The following SEM1 variants were observed in gnomAD, a reference collection of about 807,000 sequenced individuals.
SEM1 encodes the protein 26S proteasome complex subunit SEM1.
A neutral mutation model predicts 12.7 loss-of-function variants in SEM1; 3 were observed. The ratio of observed to expected loss-of-function variants is 0.24; its 90% confidence interval spans 0.11 to 0.61. The LOEUF is 0.61. SEM1 is among the 20% of genes least tolerant of loss of function. The pLI, the probability that SEM1 is intolerant of heterozygous loss-of-function variation, is 0.88. For missense variants in SEM1, 59 were observed against 81.3 expected, an observed-to-expected ratio of 0.73 and a Z score of 1.06; for synonymous variants, 30 against 27.8, an observed-to-expected ratio of 1.08 and a Z score of -0.25.
At chr7:96,514,292 T>G (rs1055022062) in intron 2 of SEM1, among the ~76,000 whole-genome samples, 1 of 152,094 alleles carries the variant, frequency 6.6e-6, no homozygotes, top group East Asian at 1.9e-4. Context: ...TTGCCCAGGA[T>G]AGCCGTGAAC....
intron 2 of SEM1, among the ~76,000 whole-genome samples, chr7:96,528,542 A>G (rs906567495): frequency 5.3e-5 from 8 of 152,168 alleles, no homozygotes; most frequent in African/African-American, 1.9e-4. Flanking sequence ...AGCAAAACTT[A>G]GTTGTAAGAT....
chr7:96,615,424 T>G lies in SEM1; in HGVS notation c.170+79374A>C, dbSNP rs148024124. Among the ~76,000 whole-genome samples the G allele has an allele frequency of 7.5e-3, 1,146 of 152,008 alleles. 7 individuals are homozygous for G. The highest frequency in any genetic ancestry group is 0.011 in the South Asian group (51 of 4,810). Reference sequence around the variant, plus strand: ...CGCCTACCACCATGCCTGGCTAATTTTTGTATTTTTGGTAGAGACAAGGTT... The same window carrying G: ...CGCCTACCACCATGCCTGGCTAATTGTTGTATTTTTGGTAGAGACAAGGTT... On this transcript the variant is annotated intron_variant and NMD_transcript_variant, in intron 2 of 3. Transcript: ENST00000466986.
chr7:96,622,387 GA>G, downstream of SEM1: 1 of 510,662 alleles, frequency 2.0e-6, no homozygotes, highest in Non-Finnish European at 3.5e-6. Flanking sequence ...AGAATGATGA[GA>G]AAAATTTCTC....
At chr7:96,647,485 C>T (rs1180743321) in intron 2 of SEM1, 2 of 152,016 alleles carry the variant, frequency 1.3e-5, no homozygotes, top group Non-Finnish European at 2.9e-5. Flanking sequence ...GCTAGCGATC[C>T]GGTATCCTAA....
Position 96,677,122 on chromosome 7 carries a change from G to A in SEM1, c.171-3263C>T, listed in dbSNP as rs148872849. Among the ~76,000 whole-genome samples the A allele has an allele frequency of 3.3e-5, 5 of 152,212 alleles. No individual in the cohort carries two copies. In the East Asian group the frequency reaches 7.7e-4, roughly 24 times the overall value. Reference sequence around the variant, plus strand: ...ACAAGGTCAACAGCACTCAGCAGAGGGCCAGCACAATGGTACTTTAGCAGA... The same window carrying A: ...ACAAGGTCAACAGCACTCAGCAGAGAGCCAGCACAATGGTACTTTAGCAGA... On this transcript the variant is annotated intron_variant, in intron 2 of 2. Transcript: ENST00000413065.
At chr7:96,517,585 C>A (rs896303623) in intron 2 of SEM1, among the ~76,000 whole-genome samples, 3 of 152,062 alleles carry the variant, frequency 2.0e-5, no homozygotes, top group Admixed American at 6.6e-5. Context: ...CTTCATATTT[C>A]TGGACATTTG....
intron 2 of SEM1, among the ~76,000 whole-genome samples, chr7:96,680,502 TAG>T (rs1789578071): frequency 6.6e-6 from 1 of 152,086 alleles, no homozygotes; most frequent in African/African-American, 2.4e-5. Flanking sequence ...GATGATAATC[TAG>T]AGTTTTAAAT....
chr7:96,506,127 T>C (rs1803747164), intron 3 of SEM1, among the ~76,000 whole-genome samples: 1 of 152,154 alleles, frequency 6.6e-6, no homozygotes, highest in African/African-American at 2.4e-5. Context: ...CTGAGTCCTT[T>C]TGAAATGACC....
chr7:96,579,731 T>C (rs555667619), intron 2 of SEM1, among the ~76,000 whole-genome samples: 2 of 152,294 alleles, frequency 1.3e-5, no homozygotes, highest in South Asian at 4.1e-4. Flanking sequence ...ATTTTGTATC[T>C]TAATTTTGCT....
chr7:96,540,224 C>A (rs1018433928), intron 2 of SEM1, among the ~76,000 whole-genome samples: 2 of 151,410 alleles, frequency 1.3e-5, no homozygotes, highest in African/African-American at 4.8e-5. Flanking sequence ...AAGAAAACAT[C>A]ACCAATTAAT....
At chr7:96,592,999 T>TAAAAA (rs1554421689) in intron 2 of SEM1, among the ~76,000 whole-genome samples, 1 of 128,060 alleles carries the variant, frequency 7.8e-6, no homozygotes, top group Non-Finnish European at 1.6e-5. Context: ...TCTCCCATAT[T>TAAAAA]AAAAAAAAAA....
intron 2 of SEM1, among the ~76,000 whole-genome samples, chr7:96,543,000 A>G (rs956701012): frequency 1.3e-5 from 2 of 151,920 alleles, no homozygotes; most frequent in Non-Finnish European, 2.9e-5. Flanking sequence ...TAGCTTTTGA[A>G]AATTATGTTT....
intron 2 of SEM1, among the ~76,000 whole-genome samples, chr7:96,647,184 G>C (rs901569406): frequency 2.0e-5 from 3 of 152,248 alleles, no homozygotes; most frequent in Middle Eastern, 6.8e-3. Flanking sequence ...GGGAGGTGAG[G>C]TATAGCACTG....
chr7:96,622,362 A>G (rs1191697734), downstream of SEM1: 3 of 486,952 alleles, frequency 6.2e-6, no homozygotes, highest in Non-Finnish European at 1.1e-5. Flanking sequence ...GCCTTATTTC[A>G]GAGCTTTGAG....
At chr7:96,578,611 A>C (rs997885547) in intron 2 of SEM1, among the ~76,000 whole-genome samples, 8 of 152,206 alleles carry the variant, frequency 5.3e-5, no homozygotes, top group Admixed American at 6.5e-5. Context: ...TAAAAGAACT[A>C]AGATGTAAGG....
intron 2 of SEM1, among the ~76,000 whole-genome samples, chr7:96,530,961 A>G (rs1804620650): frequency 6.6e-6 from 1 of 152,112 alleles, no homozygotes. Context: ...TTTATTTAAC[A>G]CACAGTTAGT....
rs1803682799 is a variant in SEM1, at chr7:96,504,473, C to T, written c.*60+2150G>A. 1.3e-5 allele frequency among the ~76,000 whole-genome samples: 2 copies of T among 152,004 alleles called. 1 individual carries two copies. Among genetic ancestry groups the T allele is most frequent in the Non-Finnish European group, 2.9e-5 (2 of 67,986 alleles). ...GCTCATGAACTGATTCAACAATTAC[C>T]AGCTTATGGCCAATTTGATTTCATT... On this transcript the variant is annotated intron_variant and NMD_transcript_variant, in intron 3 of 3. Coordinates refer to the SEM1 transcript ENST00000466986.
chr7:96,677,823 T>A (rs1260579651), intron 2 of SEM1, among the ~76,000 whole-genome samples: 1 of 152,068 alleles, frequency 6.6e-6, no homozygotes, highest in Non-Finnish European at 1.5e-5. Context: ...AAAATCTAGA[T>A]GTTATTAGCA....
At chr7:96,495,810 G>C (rs1584706626) in intron 1 of SEM1, among the ~76,000 whole-genome samples, 1 of 152,096 alleles carries the variant, frequency 6.6e-6, no homozygotes. Flanking sequence ...TCTCTGGAGA[G>C]ACCAGCAGAT....
Sources: allele counts gnomAD v4.1 joint callset (sites outside exome capture counted in the v4.1 genomes callset), GRCh38; gene constraint gnomAD v4.1.1; transcripts MANE v1.5; gene names NCBI Gene and HGNC (gene_info 2026-07-23, HGNC 2026-07-21).